Variants in MSRB3 observed in about 807,000 individuals in gnomAD.
The protein encoded by MSRB3 is methionine-R-sulfoxide reductase B3.
Under a neutral mutation model 21.0 loss-of-function variants are expected in MSRB3, and 13 were observed. The ratio of observed to expected loss-of-function variants is 0.62; its 90% CI spans 0.40 to 0.98. MSRB3 has a LOEUF of 0.98. Among genes scored for constraint, MSRB3 ranks in the 50% least tolerant of loss-of-function variants. MSRB3 has a pLI of 0.00. For missense variants in MSRB3, 199 were observed against 230.3 expected, an observed-to-expected ratio of 0.86 and a Z score of 0.88; for synonymous variants, 87 against 88.6, an observed-to-expected ratio of 0.98 and a Z score of 0.10.
At chr12:65,349,967 G>A (rs890393941) in intron 4 of MSRB3, among the ~76,000 whole-genome samples, 3 of 151,980 alleles carry the variant, frequency 2.0e-5, no homozygotes, top group African/African-American at 7.3e-5. Flanking sequence ...TGGTGTTTTG[G>A]ACATGACGTC....
chr12:65,375,185 G>C (rs972691277), intron 5 of MSRB3, among the ~76,000 whole-genome samples: 1 of 152,040 alleles, frequency 6.6e-6, no homozygotes, highest in Non-Finnish European at 1.5e-5. Context: ...AAGTAGAGGG[G>C]ACACGGCTCT....
chr12:65,369,577 T>A (rs1878206785), intron 5 of MSRB3, among the ~76,000 whole-genome samples: 1 of 152,200 alleles, frequency 6.6e-6, no homozygotes, highest in South Asian at 2.1e-4. Context: ...AGCAGTGGCA[T>A]ATCAGCCTCT....
At chr12:65,446,762 G>A (rs1002459077) in intron 5 of MSRB3, among the ~76,000 whole-genome samples, 15 of 152,078 alleles carry the variant, frequency 9.9e-5, no homozygotes, top group African/African-American at 3.1e-4. Context: ...TGCATTAATG[G>A]GTGTGACCAA....
chr12:65,337,293 G>T (rs1875839472), intron 4 of MSRB3, among the ~76,000 whole-genome samples: 1 of 151,458 alleles, frequency 6.6e-6, no homozygotes, highest in Non-Finnish European at 1.5e-5. Context: ...AATCAGCTGG[G>T]CATGGTGATG....
intron 2 of MSRB3, among the ~76,000 whole-genome samples, chr12:65,315,486 A>G (rs1307049700): frequency 6.6e-6 from 1 of 152,074 alleles, no homozygotes; most frequent in African/African-American, 2.4e-5. Context: ...CCTGGCCAAC[A>G]TAGTGAAACC....
rs1359736446 is a variant in MSRB3 at position 65,297,787 on chromosome 12, T to C, written c.-51-10742T>C. 2.0e-5 allele frequency among the ~76,000 whole-genome samples: 3 copies of C among 151,988 alleles called. No individual in the cohort carries two copies. The East Asian group carries it at 5.8e-4, about 29-fold the overall frequency. On this transcript the variant is annotated intron_variant, in intron 1 of 6. Transcript: ENST00000308259. ...AGTACACAGCCCTTTTGCAGTAGTG[T>C]GGAGGGTGAATGTGAGGGGAATTAG...
intron 5 of MSRB3, among the ~76,000 whole-genome samples, chr12:65,439,079 A>G (rs991500379): frequency 2.0e-5 from 3 of 151,830 alleles, no homozygotes; most frequent in Non-Finnish European, 4.4e-5. Context: ...AGTATAAAGA[A>G]AGCTTTATGG....
At chr12:65,312,422 A>G (rs997695502) in intron 2 of MSRB3, among the ~76,000 whole-genome samples, 2 of 152,058 alleles carry the variant, frequency 1.3e-5, no homozygotes, top group African/African-American at 4.8e-5. Context: ...ACATAGTTTT[A>G]ATGCTAGATA....
chr12:65,349,430 G>C (rs1186888987), intron 4 of MSRB3, among the ~76,000 whole-genome samples: 1 of 151,718 alleles, frequency 6.6e-6, no homozygotes, highest in African/African-American at 2.4e-5. Flanking sequence ...ACCCAGTAAT[G>C]GGATGGCTGG....
At chr12:65,295,290 T>G (rs1475523431) in intron 1 of MSRB3, among the ~76,000 whole-genome samples, 1 of 152,236 alleles carries the variant, frequency 6.6e-6, no homozygotes, top group East Asian at 1.9e-4. Flanking sequence ...AACTTAGGAT[T>G]CTTGTCTTTT....
intron 4 of MSRB3, among the ~76,000 whole-genome samples, chr12:65,351,758 A>C (rs1877012159): frequency 6.6e-6 from 1 of 151,522 alleles, no homozygotes; most frequent in South Asian, 2.1e-4. Context: ...CCAAGACTAA[A>C]CCAGGAAGAA....
At chr12:65,302,244 T>A (rs1873377946) in intron 1 of MSRB3, among the ~76,000 whole-genome samples, 2 of 152,136 alleles carry the variant, frequency 1.3e-5, no homozygotes, top group South Asian at 4.1e-4. Flanking sequence ...AGTTTGAGAA[T>A]GGGTAACCGT....
intron 5 of MSRB3, among the ~76,000 whole-genome samples, chr12:65,420,665 TTC>T (rs764184174): frequency 1.3e-5 from 2 of 152,110 alleles, no homozygotes; most frequent in Admixed American, 1.3e-4. Context: ...TGTCTGTTGT[TTC>T]TCTCTTTGTG....
rs1881211203 is a variant in MSRB3 at position 65,420,135 on chromosome 12, G to A, written c.293-33593G>A. On this transcript the variant is annotated intron_variant, in intron 5 of 6. Coordinates refer to ENST00000308259, the MANE Select transcript of MSRB3 (RefSeq NM_001031679.3). Reference sequence around the variant, plus strand: ...TTATTCTTCTGAATGTGGATATCTAGTTTTCTCAGCACCACTGAAGAGAAT... The same window carrying A: ...TTATTCTTCTGAATGTGGATATCTAATTTTCTCAGCACCACTGAAGAGAAT... The A allele has an allele frequency of 1.9e-5, 7 of 377,324 alleles. No homozygotes were observed. In the Admixed American group the frequency reaches 2.4e-4, roughly 13 times the overall value. The allele number at this position is 377,324 out of a possible 1,614,324, so 23.4% of individuals were successfully genotyped here. A position where few individuals can be genotyped will look rare whatever the true frequency, so the allele number is the denominator to read the frequency against.
intron 5 of MSRB3, among the ~76,000 whole-genome samples, chr12:65,395,487 ATCCAGC>A (rs1156501216): frequency 6.6e-6 from 1 of 152,090 alleles, no homozygotes. Flanking sequence ...ATCCTAAGGA[ATCCAGC>A]TTTAAAAATA....
At chr12:65,320,567 T>C (rs1425661630) in intron 2 of MSRB3, among the ~76,000 whole-genome samples, 1 of 152,132 alleles carries the variant, frequency 6.6e-6, no homozygotes. Flanking sequence ...CTCTCAGATA[T>C]AACTCCAAGT....
intron 5 of MSRB3, among the ~76,000 whole-genome samples, chr12:65,408,423 C>A (rs1316193335): frequency 6.6e-6 from 1 of 152,130 alleles, no homozygotes; most frequent in Non-Finnish European, 1.5e-5. Flanking sequence ...ATTTGATATA[C>A]TGGATAAAAG....
At chr12:65,448,762 T>C (rs1192755904) in intron 5 of MSRB3, among the ~76,000 whole-genome samples, 2 of 152,124 alleles carry the variant, frequency 1.3e-5, no homozygotes, top group Non-Finnish European at 2.9e-5. Context: ...AGGTTTAAAA[T>C]GAAATAATCA....
chr12:65,452,502 C>G (rs1259043044), intron 5 of MSRB3, among the ~76,000 whole-genome samples: 1 of 152,016 alleles, frequency 6.6e-6, no homozygotes, highest in African/African-American at 2.4e-5. Context: ...GCTAGTATGT[C>G]TCAGCATAAT....
Sources: allele counts gnomAD v4.1 joint callset (sites outside exome capture counted in the v4.1 genomes callset), GRCh38; gene constraint gnomAD v4.1.1; transcripts MANE v1.5; gene names NCBI Gene and HGNC (gene_info 2026-07-23, HGNC 2026-07-21).